NT5C3A: variants seen among roughly 807,000 people sequenced by gnomAD.
NT5C3A encodes 5'-nucleotidase, cytosolic IIIA, also known as cytosolic 5'-nucleotidase 3A.
A neutral mutation model predicts 40.0 loss-of-function variants in NT5C3A; 23 were observed. The ratio of observed to expected loss-of-function variants is 0.58; its 90% confidence interval spans 0.41 to 0.81. The LOEUF is 0.81. Among genes scored for constraint, NT5C3A ranks in the 40% least tolerant of loss-of-function variants. The pLI is 0.00. For synonymous variants in NT5C3A, 130 were observed against 141.4 expected, an observed-to-expected ratio of 0.92 and a Z score of 0.57; for missense variants, 328 against 403.0, an observed-to-expected ratio of 0.81 and a Z score of 1.59.
intron 6 of NT5C3A, among the ~76,000 whole-genome samples, chr7:33,018,817 G>A (rs1231503717): frequency 6.0e-5 from 9 of 150,562 alleles, no homozygotes. Flanking sequence ...CTGGGTGACA[G>A]AGCGAGACTC....
chr7:33,021,642 A>T (rs552300038), intron 4 of NT5C3A, among the ~76,000 whole-genome samples: 1 of 152,282 alleles, frequency 6.6e-6, no homozygotes, highest in Non-Finnish European at 1.5e-5. Context: ...ATTAAATTTG[A>T]TTCACATTTC....
chr7:33,035,250 G>A (rs1307771158), intron 1 of NT5C3A, among the ~76,000 whole-genome samples: 1 of 137,180 alleles, frequency 7.3e-6, no homozygotes, highest in Non-Finnish European at 1.5e-5. Context: ...CTGGAGTGCA[G>A]TGGCGCAATC....
chr7:33,051,135 A>G (rs1242321527), intron 1 of NT5C3A, among the ~76,000 whole-genome samples: 1 of 152,114 alleles, frequency 6.6e-6, no homozygotes, highest in Non-Finnish European at 1.5e-5. Context: ...TAAATATGTA[A>G]TACCTGAACT....
chr7:33,038,761 T>C, intron 1 of NT5C3A: 1 of 434,484 alleles, frequency 2.3e-6, no homozygotes, highest in Non-Finnish European at 4.6e-6. Flanking sequence ...TAGGGCAGAG[T>C]ATTTTTAAAC....
chr7:33,019,993 C>T (rs1785537517), intron 5 of NT5C3A, among the ~76,000 whole-genome samples: 1 of 152,122 alleles, frequency 6.6e-6, no homozygotes, highest in Non-Finnish European at 1.5e-5. Context: ...ATAAACCTTT[C>T]CTAATTCTAC....
chr7:33,021,191 T>TA (rs1785606634), intron 5 of NT5C3A, 81 bp downstream of exon 5: 2 of 1,580,734 alleles, frequency 1.3e-6, no homozygotes, highest in Admixed American at 1.8e-5. Context: ...GCAATACAGG[T>TA]AAAAAATAAG....
chr7:33,026,072 G>A (rs1785911414), intron 2 of NT5C3A, among the ~76,000 whole-genome samples: 1 of 152,214 alleles, frequency 6.6e-6, no homozygotes, highest in Non-Finnish European at 1.5e-5. Flanking sequence ...TGTAATCCCA[G>A]CTGCTCTGGA....
chr7:33,017,645 T>C (rs1308732695), intron 6 of NT5C3A, 44 bp from the exon 7 acceptor site: 1 of 1,474,794 alleles, frequency 6.8e-7, no homozygotes, highest in Non-Finnish European at 9.5e-7. Flanking sequence ...GAGCAAGATA[T>C]AGTTCCTTTT....
chr7:33,016,645 G>A (rs1409672588), intron 7 of NT5C3A, among the ~76,000 whole-genome samples: 5 of 148,132 alleles, frequency 3.4e-5, no homozygotes, highest in African/African-American at 1.0e-4. Flanking sequence ...ACTCTAGCCT[G>A]GGCTACAGAG....
chr7:33,030,022 A>T (rs1275379411), intron 1 of NT5C3A, among the ~76,000 whole-genome samples: 3 of 152,234 alleles, frequency 2.0e-5, no homozygotes, highest in Non-Finnish European at 2.9e-5. Context: ...TGAAATAGGT[A>T]TAAGAAATAT....
At chr7:33,060,158 G>A (rs531939938) in intron 1 of NT5C3A, among the ~76,000 whole-genome samples, 76 of 152,184 alleles carry the variant, frequency 5.0e-4, no homozygotes, top group African/African-American at 1.8e-3. Flanking sequence ...TCCCTATGCC[G>A]CCCAGGCTGG....
At chr7:33,041,134 A>G in intron 1 of NT5C3A, 1 of 985,192 alleles carries the variant, frequency 1.0e-6, no homozygotes, top group Non-Finnish European at 1.2e-6. Context: ...AATCTGTACT[A>G]TTAGAACTGG....
intron 1 of NT5C3A, among the ~76,000 whole-genome samples, chr7:33,034,409 G>A (rs1786467175): frequency 6.6e-6 from 1 of 151,860 alleles, no homozygotes; most frequent in African/African-American, 2.4e-5. Flanking sequence ...TATATGTCAG[G>A]GAATTCCTAT....
chr7:33,021,979 T>C (rs896792878), intron 4 of NT5C3A, 74 bp downstream of exon 4: 4 of 839,476 alleles, frequency 4.8e-6, no homozygotes, highest in African/African-American at 3.3e-5. Context: ...CTTCTGTGAA[T>C]GCACCTGAAG....
chr7:33,035,216 C>T lies in NT5C3A; in HGVS notation c.139-8301G>A, dbSNP rs7782604. On this transcript the variant is annotated intron_variant, in intron 1 of 8. Transcript: ENST00000610140. Reference sequence around the variant, plus strand: ...TTTTTTTTTTTTTTTTTTTTTGAGACGGAATCTCGCTCTGTCGCCCAGGCT... The same window carrying T: ...TTTTTTTTTTTTTTTTTTTTTGAGATGGAATCTCGCTCTGTCGCCCAGGCT... 4.2e-3 allele frequency among the ~76,000 whole-genome samples: 437 copies of T among 102,868 alleles called. 1 individual carries two copies. The highest frequency in any genetic ancestry group is 0.014 in the African/African-American group (372 of 26,474). The allele number at this position is 102,868 out of a possible 152,430, so 67.5% of individuals were successfully genotyped here. A position where few individuals can be genotyped will look rare whatever the true frequency, so the allele number is the denominator to read the frequency against.
intron 1 of NT5C3A, chr7:33,040,796 G>C (rs1562599138): frequency 1.3e-6 from 1 of 761,162 alleles, no homozygotes; most frequent in Non-Finnish European, 1.6e-6. Context: ...CAAAATTTCA[G>C]TAAGTTATAG....
At chr7:33,026,110 G>A (rs983096904) in intron 2 of NT5C3A, among the ~76,000 whole-genome samples, 10 of 152,024 alleles carry the variant, frequency 6.6e-5, no homozygotes, top group Admixed American at 1.3e-4. Context: ...TGCTTGAACC[G>A]GGAAGCAGAG....
At chr7:33,059,667 A>C (rs905088395) in intron 1 of NT5C3A, among the ~76,000 whole-genome samples, 1 of 152,216 alleles carries the variant, frequency 6.6e-6, no homozygotes, top group African/African-American at 2.4e-5. Flanking sequence ...GGAGATTCAG[A>C]GAGGTTAAGT....
intron 1 of NT5C3A, chr7:33,036,086 T>C: frequency 1.1e-6 from 1 of 898,806 alleles, no homozygotes; most frequent in Non-Finnish European, 1.8e-6. Flanking sequence ...AATAATATAT[T>C]AAGGTGGAAT....
Sources: gnomAD v4.1 joint callset for allele counts (sites outside exome capture counted in the v4.1 genomes callset) on GRCh38, gnomAD v4.1.1 for gene constraint, MANE v1.5 for transcripts, NCBI Gene and HGNC (gene_info 2026-07-23, HGNC 2026-07-21) for gene names.